ADAMTS16: variants seen among roughly 807,000 people sequenced by gnomAD.
ADAMTS16 encodes ADAM metallopeptidase with thrombospondin type 1 motif 16, also known as A disintegrin and metalloproteinase with thrombospondin motifs 16.
A neutral mutation model predicts 145.8 loss-of-function variants in ADAMTS16; 94 were observed. The ratio of observed to expected loss-of-function variants is 0.64; its 90% CI spans 0.55 to 0.77. The LOEUF is 0.77. ADAMTS16 is among the 30% of genes least tolerant of loss of function. The pLI is 0.00. For synonymous variants in ADAMTS16, 659 were observed against 604.3 expected (o/e 1.09, Z -1.33); for missense variants, 1,585 against 1,591.5 (o/e 1.00, Z 0.07).
chr5:5,199,486 C>G (rs1735898092), intron 8 of ADAMTS16, among the ~76,000 whole-genome samples: 2 of 152,148 alleles, frequency 1.3e-5, no homozygotes, highest in African/African-American at 2.4e-5. Flanking sequence ...TGGAGCTACT[C>G]TCTCCAAATA....
chr5:5,318,376 G>A, intron 22 of ADAMTS16, 95 bp downstream of exon 22: 1 of 1,200,980 alleles, frequency 8.3e-7, no homozygotes, highest in African/African-American at 1.6e-5. Flanking sequence ...TTAGGGTCTT[G>A]CGTCTGATCT....
intron 18 of ADAMTS16, among the ~76,000 whole-genome samples, chr5:5,294,718 G>A (rs111528851): frequency 6.6e-6 from 1 of 152,198 alleles, no homozygotes; most frequent in Non-Finnish European, 1.5e-5. Context: ...AGCTTTGCTG[G>A]AAAATTGGAA....
intron 10 of ADAMTS16, among the ~76,000 whole-genome samples, chr5:5,219,849 C>T (rs1423634245): frequency 6.6e-6 from 1 of 152,180 alleles, no homozygotes; most frequent in Admixed American, 6.5e-5. Flanking sequence ...AAGCCCAAAC[C>T]TTTAACAATA....
intron 7 of ADAMTS16, 104 bp from the exon 8 acceptor site, chr5:5,191,581 A>G (rs1735663370): frequency 2.2e-6 from 2 of 923,404 alleles, no homozygotes; most frequent in East Asian, 2.6e-5. Context: ...ATTTTCCCAT[A>G]TGAACATAAG....
At chr5:5,220,565 G>A (rs533815312) in intron 10 of ADAMTS16, among the ~76,000 whole-genome samples, 3 of 152,178 alleles carry the variant, frequency 2.0e-5, no homozygotes, top group African/African-American at 4.8e-5. Context: ...GCAGCCACAC[G>A]GCAGAGCCCT....
At chr5:5,206,800 T>C (rs1736138584) in intron 9 of ADAMTS16, among the ~76,000 whole-genome samples, 1 of 152,146 alleles carries the variant, frequency 6.6e-6, no homozygotes. Flanking sequence ...TTTTTACGTG[T>C]AGATGACCAA....
intron 3 of ADAMTS16, among the ~76,000 whole-genome samples, chr5:5,173,842 G>C (rs1414754205): frequency 1.3e-5 from 2 of 152,052 alleles, no homozygotes; most frequent in African/African-American, 4.8e-5. Flanking sequence ...AAAATTCTGT[G>C]CTTTAACTTT....
intron 10 of ADAMTS16, among the ~76,000 whole-genome samples, chr5:5,213,212 G>T (rs1736324820): frequency 6.6e-6 from 1 of 152,104 alleles, no homozygotes; most frequent in Non-Finnish European, 1.5e-5. Flanking sequence ...TATATTTATT[G>T]TTTAGTATCT....
chr5:5,239,574 C>T, intron 15 of ADAMTS16, 107 bp from the exon 16 acceptor site: 1 of 1,491,652 alleles, frequency 6.7e-7, no homozygotes, highest in Non-Finnish European at 9.1e-7. Context: ...CACCCAGTTC[C>T]AAATGTGGAT....
chr5:5,205,533 T>C (rs977638952), intron 9 of ADAMTS16, among the ~76,000 whole-genome samples: 2 of 152,238 alleles, frequency 1.3e-5, no homozygotes, highest in Non-Finnish European at 2.9e-5. Flanking sequence ...CTTTTGGTGG[T>C]TGGACCATTT....
intron 18 of ADAMTS16, among the ~76,000 whole-genome samples, chr5:5,299,787 G>A (rs950916890): frequency 2.6e-5 from 4 of 152,164 alleles, no homozygotes; most frequent in African/African-American, 9.7e-5. Flanking sequence ...GGTAATACCA[G>A]CCACTTTGCA....
At chr5:5,238,155 G>T (rs533571666) in intron 14 of ADAMTS16, among the ~76,000 whole-genome samples, 1 of 152,154 alleles carries the variant, frequency 6.6e-6, no homozygotes, top group African/African-American at 2.4e-5. Context: ...CCTCAATTTT[G>T]TCTAATTGTT....
intron 3 of ADAMTS16, among the ~76,000 whole-genome samples, chr5:5,177,526 T>C (rs1250049945): frequency 1.3e-5 from 2 of 152,178 alleles, no homozygotes; most frequent in Non-Finnish European, 2.9e-5. Context: ...TTGGTTTATT[T>C]AAGATTTTAG....
At chr5:5,239,353 A>G in intron 15 of ADAMTS16, 79 bp downstream of exon 15, 2 of 1,492,686 alleles carry the variant, frequency 1.3e-6, no homozygotes, top group Non-Finnish European at 8.9e-7. Context: ...TTGAGGTGAC[A>G]GTGAAAACAG....
intron 7 of ADAMTS16, 103 bp from the exon 8 acceptor site, chr5:5,191,582 T>C (rs935208755): frequency 1.1e-6 from 1 of 936,268 alleles, no homozygotes; most frequent in Non-Finnish European, 1.7e-6. Context: ...TTTTCCCATA[T>C]GAACATAAGA....
intron 5 of ADAMTS16, 53 bp downstream of exon 5, chr5:5,186,304 GTGTGTGTGTGTGTGT>G: frequency 9.2e-7 from 1 of 1,081,816 alleles, no homozygotes; most frequent in Non-Finnish European, 1.3e-6. Flanking sequence ...TTCGTAGGGT[GTGTGTGTGTGTGTGT>G]GTGTGTGTGT....
chr5:5,230,513 G>C (rs1391462575), intron 11 of ADAMTS16, among the ~76,000 whole-genome samples: 1 of 152,176 alleles, frequency 6.6e-6, no homozygotes, highest in Non-Finnish European at 1.5e-5. Context: ...TCAGTGTTGG[G>C]AGAGAGAAAG....
At chr5:5,160,406 G>A (rs1407149460) in intron 3 of ADAMTS16, among the ~76,000 whole-genome samples, 1 of 152,110 alleles carries the variant, frequency 6.6e-6, no homozygotes, top group Non-Finnish European at 1.5e-5. Context: ...GGCTCATGCA[G>A]TCTAGTTAAA....
chr5:5,216,986 A>T (rs1455979744), intron 10 of ADAMTS16, among the ~76,000 whole-genome samples: 3 of 151,490 alleles, frequency 2.0e-5, no homozygotes, highest in African/African-American at 7.3e-5. Context: ...TGTGCCACAT[A>T]TTCTTAATCC....
Sources: gnomAD v4.1 joint callset for allele counts (sites outside exome capture counted in the v4.1 genomes callset) on GRCh38, gnomAD v4.1.1 for gene constraint, MANE v1.5 for transcripts, NCBI Gene and HGNC (gene_info 2026-07-23, HGNC 2026-07-21) for gene names.